ITGBL1: variants seen among roughly 807,000 people sequenced by gnomAD.
ITGBL1 encodes integrin beta-like protein 1.
ITGBL1 carries 51 observed loss-of-function variants against 68.5 expected under a neutral mutation model. That is an observed-to-expected ratio of 0.74 (90% confidence interval 0.59 to 0.94). ITGBL1 has a LOEUF of 0.94. Ranked by LOEUF, ITGBL1 falls within the 40% of genes least tolerant of loss-of-function variation. The probability of loss-of-function intolerance (pLI) is 0.00; values close to 1 mark genes in which losing one functional copy is unlikely to be tolerated. For synonymous variants in ITGBL1, 209 were observed against 227.3 expected (o/e 0.92, Z 0.72); for missense variants, 649 against 647.4 (o/e 1.00, Z -0.03).
intron 2 of ITGBL1, among the ~76,000 whole-genome samples, chr13:101,519,402 TA>T (rs2049247775): frequency 6.6e-6 from 1 of 152,140 alleles, no homozygotes; most frequent in Non-Finnish European, 1.5e-5. Flanking sequence ...AGGTTAAATC[TA>T]AGTAGTCATA....
chr13:101,587,422 G>A (rs76538363), intron 6 of ITGBL1, among the ~76,000 whole-genome samples: 2 of 152,184 alleles, frequency 1.3e-5, no homozygotes, highest in African/African-American at 4.8e-5. Context: ...AGACAATACG[G>A]TTGACACAAT....
chr13:101,515,220 T>C (rs2139120606), intron 2 of ITGBL1, among the ~76,000 whole-genome samples: 1 of 152,232 alleles, frequency 6.6e-6, no homozygotes, highest in Middle Eastern at 3.4e-3. Context: ...AATCTGGATG[T>C]AAATCCATTA....
intron 7 of ITGBL1, among the ~76,000 whole-genome samples, chr13:101,674,223 T>C (rs1005616343): frequency 3.9e-5 from 6 of 152,326 alleles, no homozygotes; most frequent in Admixed American, 2.6e-4. Flanking sequence ...TGTGAGGATA[T>C]CTGCTTGTCT....
chr13:101,599,848 T>C (rs1362081974), intron 7 of ITGBL1, among the ~76,000 whole-genome samples: 1 of 152,186 alleles, frequency 6.6e-6, no homozygotes, highest in African/African-American at 2.4e-5. Context: ...AGCCTTGTAG[T>C]ATAGTTTGAA....
rs66501713 is a variant in ITGBL1 at position 101,671,426 on chromosome 13, G to GTTTTTTTTTTTTTTTTTTT, written c.1016-21149_1016-21148insTTTTTTTTTTTTTTTTTTT. 8.0e-5 allele frequency among the ~76,000 whole-genome samples: 9 copies of GTTTTTTTTTTTTTTTTTTT among 112,656 alleles called. 1 individual carries two copies. The highest frequency in any genetic ancestry group is 1.4e-4 in the Non-Finnish European group (8 of 55,842). The allele number at this position is 112,656 out of a possible 152,430, so 73.9% of individuals were successfully genotyped here. ...AGCTATTTGACAAAAGTATACCTTTGTTTTTTTTTTGTTTTTTTTTGTTTT... is the reference window on the plus strand; with the variant it reads ...AGCTATTTGACAAAAGTATACCTTTGTTTTTTTTTTTTTTTTTTTTTTTTTTTTTGTTTTTTTTTGTTTT... On this transcript the variant is annotated intron_variant, in intron 7 of 10. Transcript: ENST00000376180.
intron 2 of ITGBL1, among the ~76,000 whole-genome samples, chr13:101,523,519 C>A (rs184633750): frequency 2.3e-4 from 35 of 152,252 alleles, no homozygotes; most frequent in African/African-American, 7.9e-4. Flanking sequence ...TGACAGTGAA[C>A]CTTCTGCTCC....
At chr13:101,605,909 T>C (rs2030800986) in intron 7 of ITGBL1, among the ~76,000 whole-genome samples, 1 of 141,064 alleles carries the variant, frequency 7.1e-6, no homozygotes, top group African/African-American at 2.5e-5. Flanking sequence ...CATGTGTATA[T>C]GTACACATAT....
intron 2 of ITGBL1, among the ~76,000 whole-genome samples, chr13:101,550,072 A>G (rs562227582): frequency 2.0e-5 from 3 of 152,206 alleles, no homozygotes; most frequent in Non-Finnish European, 4.4e-5. Flanking sequence ...GTCACAAATT[A>G]TGCATCTATT....
At chr13:101,581,197 G>T (rs943787395) in intron 5 of ITGBL1, among the ~76,000 whole-genome samples, 1 of 152,076 alleles carries the variant, frequency 6.6e-6, no homozygotes, top group African/African-American at 2.4e-5. Context: ...GTCCTCTATT[G>T]CCCATCTGTT....
chr13:101,521,847 T>C (rs1266553028), intron 2 of ITGBL1, among the ~76,000 whole-genome samples: 1 of 152,102 alleles, frequency 6.6e-6, no homozygotes, highest in African/African-American at 2.4e-5. Context: ...CTTTTTTTTT[T>C]CTTTTTGTCT....
intron 10 of ITGBL1, chr13:101,714,811 A>G (rs1173266497): frequency 4.8e-5 from 23 of 483,118 alleles, no homozygotes; most frequent in Non-Finnish European, 8.1e-5. Context: ...CCCCACCCTC[A>G]AACTCACATG....
At chr13:101,689,470 A>G (rs574705854) in intron 7 of ITGBL1, among the ~76,000 whole-genome samples, 149 of 151,552 alleles carry the variant, frequency 9.8e-4, no homozygotes, top group African/African-American at 3.4e-3. Flanking sequence ...AAAATTAGCC[A>G]GGCACGTGCC....
intron 2 of ITGBL1, among the ~76,000 whole-genome samples, chr13:101,541,221 A>G (rs1366678272): frequency 1.3e-5 from 2 of 150,722 alleles, no homozygotes; most frequent in East Asian, 3.9e-4. Context: ...ATTTTGAGAT[A>G]CGTCCCATCA....
rs934863171 is a variant in ITGBL1, at chr13:101,665,995, A to G, written c.1016-26590A>G. Among the ~76,000 whole-genome samples the G allele has an allele frequency of 6.0e-4, 92 of 152,252 alleles. 1 individual carries two copies. The highest frequency in any genetic ancestry group is 2.0e-3 in the African/African-American group (85 of 41,548). On this transcript the variant is annotated intron_variant, in intron 7 of 10. Transcript: ENST00000376180. ...ATAATTATCTCAAAATAACTTATAT[A>G]ACCTCCTCATTTTACCTTCAAAAAC... is the stretch of plus-strand genomic sequence containing the variant.
intron 2 of ITGBL1, among the ~76,000 whole-genome samples, chr13:101,497,522 C>T (rs2048873976): frequency 6.6e-6 from 1 of 152,178 alleles, no homozygotes; most frequent in South Asian, 2.1e-4. Flanking sequence ...GACATGTAAA[C>T]CATGGAGGCA....
intron 7 of ITGBL1, among the ~76,000 whole-genome samples, chr13:101,636,018 AAATT>A (rs568050284): frequency 6.6e-5 from 10 of 152,256 alleles, no homozygotes; most frequent in South Asian, 6.2e-4. Flanking sequence ...AAAATTATAC[AAATT>A]AATTATTTAC....
chr13:101,653,857 TTTTTTGTTTTTTG>T (rs1175126434), intron 7 of ITGBL1, among the ~76,000 whole-genome samples: 3 of 92,004 alleles, frequency 3.3e-5, no homozygotes, highest in East Asian at 2.9e-4. Context: ...CCCAGCTACT[TTTTTTGTTTTTTG>T]TTTTTTTTTT....
chr13:101,699,050 C>T (rs2034071647), intron 8 of ITGBL1, among the ~76,000 whole-genome samples: 1 of 152,158 alleles, frequency 6.6e-6, no homozygotes, highest in South Asian at 2.1e-4. Context: ...AGTATGAATT[C>T]AGTGACTCCC....
chr13:101,661,580 C>CA (rs940203291), intron 7 of ITGBL1, among the ~76,000 whole-genome samples: 3 of 152,130 alleles, frequency 2.0e-5, no homozygotes, highest in Non-Finnish European at 4.4e-5. Context: ...AGTAATAAAA[C>CA]AAACAATTGA....
Sources: gnomAD v4.1 joint callset for allele counts (sites outside exome capture counted in the v4.1 genomes callset) on GRCh38, gnomAD v4.1.1 for gene constraint, MANE v1.5 for transcripts, NCBI Gene and HGNC (gene_info 2026-07-23, HGNC 2026-07-21) for gene names.